TFRC: variants seen among roughly 807,000 people sequenced by gnomAD.
The protein encoded by TFRC is transferrin receptor protein 1.
Under a neutral mutation model 85.8 loss-of-function variants are expected in TFRC, and 35 were observed. The ratio of observed to expected loss-of-function variants is 0.41; its 90% CI spans 0.31 to 0.54. The LOEUF is 0.54. Ranked by LOEUF, TFRC falls within the 20% of genes least tolerant of loss-of-function variation. The pLI, the probability that TFRC is intolerant of heterozygous loss-of-function variation, is 0.31. For missense variants in TFRC, 828 were observed against 921.5 expected, an observed-to-expected ratio of 0.90 and a Z score of 1.31; for synonymous variants, 362 against 328.6, an observed-to-expected ratio of 1.10 and a Z score of -1.10.
At chr3:196,058,392 G>A in intron 15 of TFRC, 27 bp from the exon 16 acceptor site, 1 of 1,594,770 alleles carries the variant, frequency 6.3e-7, no homozygotes, top group Non-Finnish European at 8.6e-7. Context: ...TGTGTCTTTA[G>A]AAAGTGTTTT....
chr3:196,058,388 T>C (rs1221444206), intron 15 of TFRC, 23 bp from the exon 16 acceptor site: 1 of 1,606,540 alleles, frequency 6.2e-7, no homozygotes, highest in Non-Finnish European at 8.5e-7. Context: ...AGAATGTGTC[T>C]TTAGAAAGTG....
intron 6 of TFRC, among the ~76,000 whole-genome samples, chr3:196,071,171 G>A (rs978436841): frequency 1.3e-5 from 2 of 152,166 alleles, no homozygotes; most frequent in African/African-American, 4.8e-5. Flanking sequence ...CATAGATAAT[G>A]TCAGCTGCTA....
rs754235174 is a variant in TFRC, at chr3:196,055,253, G to A, written c.1726C>T (p.Leu576=). 11 of 1,614,090 alleles carry A rather than the reference G, an allele frequency of 6.8e-6. No individual in the cohort carries two copies. In the Admixed American group the frequency reaches 1.5e-4, roughly 22 times the overall value. ...TTCAACTCAGGAATCCTCTCAATCA[G>A]TTCCTTATAGGTGTCCATGGTGGTA... ...LGTTMDTYKE[L]IERIPELNKV... is the part of the protein sequence containing the mutation. Residue 576 remains leucine, a synonymous_variant, in exon 17 of 19, where the codon CTG becomes TTG. Transcript: ENST00000360110.
chr3:196,073,688 G>C (rs953270052), intron 4 of TFRC, among the ~76,000 whole-genome samples: 1 of 152,060 alleles, frequency 6.6e-6, no homozygotes, highest in African/African-American at 2.4e-5. Flanking sequence ...ACAAAGATGG[G>C]GAAAACATCA....
At position 196,051,810 on chromosome 3, in the gene TFRC, C is replaced by T; in HGVS notation, c.*132G>A. ...ATTAAAAGCTGCTGCCTAAAGACAT[C>T]TAGTAGTACCAAGATGATGGGATGG... On this transcript the variant is annotated 3_prime_UTR_variant, in exon 19 of 19. Transcript: ENST00000360110. 3 of 1,081,998 alleles carry T rather than the reference C, an allele frequency of 2.8e-6. No individual in the cohort carries two copies. Among genetic ancestry groups the T allele is most frequent in the Non-Finnish European group, 4.0e-6 (3 of 750,766 alleles). The allele number at this position is 1,081,998 out of a possible 1,614,324, so 67.0% of individuals were successfully genotyped here. A position where few individuals can be genotyped will look rare whatever the true frequency, so the allele number is the denominator to read the frequency against.
intron 10 of TFRC, 41 bp downstream of exon 10, chr3:196,065,401 CA>C (rs200523802): frequency 5.5e-4 from 563 of 1,022,448 alleles, no homozygotes; most frequent in East Asian, 1.1e-3. Context: ...GAAAAGAAAA[CA>C]AAAAAAAAGC....
chr3:196,060,420 A>G (rs765349808), intron 13 of TFRC, 173 bp from the exon 14 acceptor site: 2 of 612,232 alleles, frequency 3.3e-6, no homozygotes, highest in Non-Finnish European at 5.8e-6. Flanking sequence ...CAAGCTCTTT[A>G]GCAACTAAGC....
intron 4 of TFRC, 68 bp from the exon 5 acceptor site, chr3:196,072,220 A>G: frequency 6.4e-7 from 1 of 1,574,096 alleles, no homozygotes; most frequent in Non-Finnish European, 8.6e-7. Context: ...GTCAAGGATT[A>G]AACAAATTGT....
At chr3:196,079,965 GATA>G (rs1341700823) in intron 1 of TFRC, among the ~76,000 whole-genome samples, 1 of 152,198 alleles carries the variant, frequency 6.6e-6, no homozygotes, top group East Asian at 1.9e-4. Context: ...TGAACTACCT[GATA>G]ATGAGTAAAA....
intron 16 of TFRC, among the ~76,000 whole-genome samples, chr3:196,055,820 G>C (rs1414961682): frequency 6.6e-6 from 1 of 150,962 alleles, no homozygotes; most frequent in Non-Finnish European, 1.5e-5. Flanking sequence ...ACCCAGGCTA[G>C]AGTGCAGCGA....
chr3:196,063,138 A>G lies in TFRC; in HGVS notation c.1319-199T>C, dbSNP rs1235465699. The G allele has an allele frequency of 4.2e-5, 22 of 523,218 alleles. No individual in the cohort carries two copies. The East Asian group carries it at 6.9e-4, about 16-fold the overall frequency. 32.4% of individuals were successfully genotyped at this position (523,218 alleles called of 1,614,324 possible). On this transcript the variant is annotated intron_variant, in intron 11 of 18. Transcript: ENST00000360110. The stretch of plus-strand genomic sequence containing the variant: ...CCAGGTAAAAGAATAAAAGAATAGG[A>G]ATAATTTTTTTTAAAGTAACCTACA...
At position 196,064,264 on chromosome 3, in the gene TFRC, T is replaced by C. The variant is rs781359758; in HGVS notation, c.1318+45A>G. ...AAGCACAGTATAACATCTAGAACTG[T>C]ATGCAGTGCACCAATATTCAAAAGA... On this transcript the variant is annotated intron_variant, in intron 11 of 18. Transcript: ENST00000360110. 5 of 1,585,326 alleles carry C rather than the reference T, an allele frequency of 3.2e-6. No individual in the cohort carries two copies. In the South Asian group the frequency reaches 3.5e-5, roughly 11 times the overall value.
At chr3:196,072,665 C>T (rs1278590810) in intron 4 of TFRC, among the ~76,000 whole-genome samples, 1 of 151,508 alleles carries the variant, frequency 6.6e-6, no homozygotes, top group African/African-American at 2.4e-5. Context: ...TAAATAAACA[C>T]AAAAGCATCA....
chr3:196,080,308 T>C (rs1054608818), intron 1 of TFRC, among the ~76,000 whole-genome samples: 1 of 152,264 alleles, frequency 6.6e-6, no homozygotes, highest in Non-Finnish European at 1.5e-5. Flanking sequence ...TTCACCATGT[T>C]GGCCAGGCTA....
At chr3:196,061,529 G>A (rs1224676028) in intron 13 of TFRC, among the ~76,000 whole-genome samples, 22 of 151,866 alleles carry the variant, frequency 1.4e-4, no homozygotes, top group Admixed American at 1.2e-3. Flanking sequence ...TCGCTCTGTC[G>A]CCCAGGCTGG....
intron 16 of TFRC, among the ~76,000 whole-genome samples, chr3:196,056,962 C>A (rs1190596905): frequency 6.6e-6 from 1 of 152,172 alleles, no homozygotes; most frequent in Non-Finnish European, 1.5e-5. Context: ...GCTGGGGTTA[C>A]AGGCACACGC....
chr3:196,049,565 T>C lies in TFRC; in HGVS notation c.*2377A>G, dbSNP rs186269975. 9.0e-6 allele frequency: 2 copies of C among 222,008 alleles called. No individual in the cohort carries two copies. Among genetic ancestry groups the C allele is most frequent in the East Asian group, 1.3e-4 (2 of 15,208 alleles). The allele number at this position is 222,008 out of a possible 1,614,324, so 13.8% of individuals were successfully genotyped here. ...ACTAGTCTGATATTTCATTCAGGAATATTGAGCCTGTTAGCACGTACTGGC... is the reference window on the plus strand; with the variant it reads ...ACTAGTCTGATATTTCATTCAGGAACATTGAGCCTGTTAGCACGTACTGGC... On this transcript the variant is annotated 3_prime_UTR_variant, in exon 19 of 19. Transcript: ENST00000360110.
rs780136725 is a variant in TFRC at position 196,050,134 on chromosome 3, A to G, written c.*1808T>C. 3 of 230,612 alleles carry G rather than the reference A, an allele frequency of 1.3e-5. No individual in the cohort carries two copies. Among genetic ancestry groups the G allele is most frequent in the Non-Finnish European group, 2.6e-5 (3 of 116,452 alleles). The allele number at this position is 230,612 out of a possible 1,614,324, so 14.3% of individuals were successfully genotyped here. ...CTTTAAGTCAAAAGGTCAATTCTGG[A>G]TTAAAACTTGTCCGCACTAAGTTTA... On this transcript the variant is annotated 3_prime_UTR_variant, in exon 19 of 19. Transcript: ENST00000360110.
In TFRC at chr3:196,051,830, G is replaced by T; in HGVS notation, c.*112C>A. On this transcript the variant is annotated 3_prime_UTR_variant, in exon 19 of 19. Coordinates refer to ENST00000360110, the MANE Select transcript of TFRC (RefSeq NM_001128148.3). ...GACATCTAGTAGTACCAAGATGATGGGATGGAATTTTAACATCAGGTTTTG... is the reference window on the plus strand; with the variant it reads ...GACATCTAGTAGTACCAAGATGATGTGATGGAATTTTAACATCAGGTTTTG... The T allele has an allele frequency of 7.7e-7, 1 of 1,305,928 alleles. No homozygotes were observed. The highest frequency in any genetic ancestry group is 1.1e-6 in the Non-Finnish European group (1 of 943,244). 80.9% of individuals were successfully genotyped at this position (1,305,928 alleles called of 1,614,324 possible).
Sources: allele counts gnomAD v4.1 joint callset (sites outside exome capture counted in the v4.1 genomes callset), GRCh38; gene constraint gnomAD v4.1.1; transcripts MANE v1.5; gene names NCBI Gene and HGNC (gene_info 2026-07-23, HGNC 2026-07-21).